The following HS6ST3 variants were observed in gnomAD, a reference collection of about 807,000 sequenced individuals.
HS6ST3 encodes heparan sulfate 6-O-sulfotransferase 3.
Under a neutral mutation model 36.7 loss-of-function variants are expected in HS6ST3, and 12 were observed. The observed-to-expected ratio is 0.33, with a 90% confidence interval of 0.21 to 0.53. The LOEUF is 0.53. Ranked by LOEUF, HS6ST3 falls within the 20% of genes least tolerant of loss-of-function variation. The probability of loss-of-function intolerance (pLI) is 0.95; values close to 1 mark genes in which losing one functional copy is unlikely to be tolerated. For synonymous variants in HS6ST3, 240 were observed against 257.5 expected (o/e 0.93, Z 0.65); for missense variants, 584 against 640.9 (o/e 0.91, Z 0.96).
intron 1 of HS6ST3, among the ~76,000 whole-genome samples, chr13:96,385,386 C>T (rs2055362637): frequency 6.6e-6 from 1 of 152,098 alleles, no homozygotes; most frequent in African/African-American, 2.4e-5. Context: ...CATACTGCCA[C>T]ACAGCATTGG....
rs1594814642 is a variant in HS6ST3, at chr13:96,595,283, G to A, written c.708-237207G>A. On this transcript the variant is annotated intron_variant, in intron 1 of 1. Coordinates refer to ENST00000376705, the MANE Select transcript of HS6ST3 (RefSeq NM_153456.4). The stretch of plus-strand genomic sequence containing the variant: ...GCTGGTCTCAAACTCCTGGCCTCAA[G>A]TAATACTCCTGTCTTGGCCTTGCTA... Among the ~76,000 whole-genome samples the A allele has an allele frequency of 4.6e-5, 7 of 152,278 alleles. No homozygotes were observed. In the East Asian group the frequency reaches 1.2e-3, roughly 25 times the overall value.
chr13:96,667,712 G>A (rs1256043120), intron 1 of HS6ST3, among the ~76,000 whole-genome samples: 1 of 152,172 alleles, frequency 6.6e-6, no homozygotes, highest in African/African-American at 2.4e-5. Context: ...TGCTATTCTT[G>A]TTAAAATGGT....
intron 1 of HS6ST3, among the ~76,000 whole-genome samples, chr13:96,221,806 C>G (rs769053909): frequency 2.0e-5 from 3 of 152,088 alleles, no homozygotes; most frequent in Non-Finnish European, 4.4e-5. Flanking sequence ...CATAGAAGAT[C>G]CTATGTACTG....
At chr13:96,330,730 A>G (rs1379707133) in intron 1 of HS6ST3, among the ~76,000 whole-genome samples, 268 of 146,220 alleles carry the variant, frequency 1.8e-3, no homozygotes, top group African/African-American at 6.1e-3. Flanking sequence ...ACGTTGGCCT[A>G]CCTTGCTAGA....
chr13:96,164,134 T>G (rs1354206977), intron 1 of HS6ST3, among the ~76,000 whole-genome samples: 1 of 152,146 alleles, frequency 6.6e-6, no homozygotes, highest in Non-Finnish European at 1.5e-5. Flanking sequence ...TCAAGCTTAT[T>G]TTGCAAATCC....
chr13:96,304,344 T>G (rs915416991), intron 1 of HS6ST3, among the ~76,000 whole-genome samples: 1 of 152,126 alleles, frequency 6.6e-6, no homozygotes, highest in Non-Finnish European at 1.5e-5. Flanking sequence ...CTTCTAAATA[T>G]TTTCTTCTCA....
chr13:96,318,444 A>C (rs1438558607), intron 1 of HS6ST3, among the ~76,000 whole-genome samples: 1 of 152,164 alleles, frequency 6.6e-6, no homozygotes, highest in Non-Finnish European at 1.5e-5. Context: ...AGGCAGGGAG[A>C]ATTGCTTGAA....
intron 1 of HS6ST3, among the ~76,000 whole-genome samples, chr13:96,436,545 G>A (rs2055643491): frequency 6.6e-6 from 1 of 152,140 alleles, no homozygotes; most frequent in Non-Finnish European, 1.5e-5. Flanking sequence ...AAATATGACT[G>A]TATTTGGAGA....
At chr13:96,455,600 C>T (rs2055751069) in intron 1 of HS6ST3, among the ~76,000 whole-genome samples, 1 of 152,030 alleles carries the variant, frequency 6.6e-6, no homozygotes, top group Non-Finnish European at 1.5e-5. Context: ...ATATTTGTGT[C>T]TCCAGCCACT....
intron 1 of HS6ST3, among the ~76,000 whole-genome samples, chr13:96,815,538 G>T (rs1878402826): frequency 6.6e-6 from 1 of 152,146 alleles, no homozygotes; most frequent in Non-Finnish European, 1.5e-5. Context: ...GTAAAAATCA[G>T]CAGTTGGGCT....
chr13:96,545,369 C>A (rs2056194012), intron 1 of HS6ST3, among the ~76,000 whole-genome samples: 1 of 152,094 alleles, frequency 6.6e-6, no homozygotes, highest in African/African-American at 2.4e-5. Context: ...CTTCTATGAC[C>A]AACACTGGCA....
intron 1 of HS6ST3, among the ~76,000 whole-genome samples, chr13:96,823,153 A>T (rs963060480): frequency 6.6e-6 from 1 of 152,210 alleles, no homozygotes; most frequent in Admixed American, 6.5e-5. Context: ...GGAATAGTCA[A>T]GTCCTCTCTG....
At chr13:96,349,343 A>G (rs370341351) in intron 1 of HS6ST3, among the ~76,000 whole-genome samples, 2 of 152,090 alleles carry the variant, frequency 1.3e-5, no homozygotes, top group South Asian at 4.1e-4. Context: ...GTTCTACATT[A>G]TATTCTTCTT....
chr13:96,553,985 C>T (rs933047273), intron 1 of HS6ST3, among the ~76,000 whole-genome samples: 84 of 152,090 alleles, frequency 5.5e-4, no homozygotes, highest in African/African-American at 1.7e-3. Flanking sequence ...TGTGTGCGTG[C>T]GTGCGTGCAT....
At chr13:96,476,467 A>T (rs182061065) in intron 1 of HS6ST3, among the ~76,000 whole-genome samples, 1 of 152,108 alleles carries the variant, frequency 6.6e-6, no homozygotes, top group East Asian at 1.9e-4. Context: ...GGTTCAAGAG[A>T]TTCTCCTGCC....
chr13:96,115,651 G>A (rs929412888), intron 1 of HS6ST3, among the ~76,000 whole-genome samples: 1 of 152,038 alleles, frequency 6.6e-6, no homozygotes, highest in African/African-American at 2.4e-5. Context: ...TCTATCATTG[G>A]GCATTCGGGT....
At chr13:96,694,361 G>A (rs1011461137) in intron 1 of HS6ST3, among the ~76,000 whole-genome samples, 4 of 151,958 alleles carry the variant, frequency 2.6e-5, no homozygotes, top group Admixed American at 1.3e-4. Context: ...TTTTTATAGC[G>A]GCATAGTATT....
intron 1 of HS6ST3, among the ~76,000 whole-genome samples, chr13:96,148,992 G>T (rs1322670628): frequency 6.6e-6 from 1 of 152,130 alleles, no homozygotes; most frequent in Non-Finnish European, 1.5e-5. Flanking sequence ...AAAGAGGATT[G>T]GTTCCAAAAC....
intron 1 of HS6ST3, among the ~76,000 whole-genome samples, chr13:96,454,874 TA>T (rs5805970): frequency 0.62 from 88,995 of 144,266 alleles, 29,968 homozygotes; most frequent in South Asian, 0.79. Context: ...TATTGAACTC[TA>T]AAAAAAAAAA....
Sources: gnomAD v4.1 joint callset for allele counts (sites outside exome capture counted in the v4.1 genomes callset) on GRCh38, gnomAD v4.1.1 for gene constraint, MANE v1.5 for transcripts, NCBI Gene and HGNC (gene_info 2026-07-23, HGNC 2026-07-21) for gene names.